The following GREB1L variants were observed in gnomAD, a reference collection of about 807,000 sequenced individuals.
GREB1L encodes the protein GREB1-like protein.
GREB1L carries 17 observed loss-of-function variants against 200.8 expected under a neutral mutation model. The observed-to-expected ratio is 0.08, with a 90% CI of 0.06 to 0.13. The LOEUF is 0.13. Ranked by LOEUF, GREB1L falls within the 10% of genes least tolerant of loss-of-function variation. The probability of loss-of-function intolerance (pLI) is 1.00; values close to 1 mark genes in which losing one functional copy is unlikely to be tolerated. For synonymous variants in GREB1L, 789 were observed against 893.0 expected (o/e 0.88, Z 2.08); for missense variants, 1,657 against 2,367.7 (o/e 0.70, Z 6.23).
In GREB1L at chr18:21,439,565, T is replaced by A; in HGVS notation, c.877T>A (p.Ser293Thr). Residue 293 changes from serine (S) to threonine (T), a missense_variant, in exon 8 of 33, where the codon TCC becomes ACC. Transcript: ENST00000424526. ...NSSHGGKGSA[S>T]SSTPAHTGNY... ...TAGCCATGGAGGGAAGGGCAGTGCATCCAGCTCCACTCCAGCCCACACAGG... is the reference window on the plus strand; with the variant it reads ...TAGCCATGGAGGGAAGGGCAGTGCAACCAGCTCCACTCCAGCCCACACAGG... The A allele has an allele frequency of 6.4e-7, 1 of 1,551,388 alleles. No homozygotes were observed.
chr18:21,431,169 C>A (rs1018126129), intron 7 of GREB1L, among the ~76,000 whole-genome samples: 18 of 151,820 alleles, frequency 1.2e-4, no homozygotes, highest in African/African-American at 4.1e-4. Context: ...TTACAGGCGC[C>A]CACCACCACA....
Position 21,477,355 on chromosome 18 carries a change from G to A in GREB1L, c.2555G>A (p.Gly852Glu). ...NEVHWIQLDT[G>E]EDVGCEEKLY... ...GTTCACTGGATACAGCTGGATACTG[G>A]GGTGAGTCTCTTGCCTGCTGTCTGA... Residue 852 changes from glycine to glutamate, a missense_variant and splice_region_variant, in exon 17 of 33, where the codon GGG (glycine) becomes GAG (glutamate). Coordinates refer to ENST00000424526, the MANE Select transcript of GREB1L (RefSeq NM_001142966.3). 6.5e-7 allele frequency: 1 copy of A among 1,541,422 alleles called. No individual in the cohort carries two copies. The highest frequency in any genetic ancestry group is 8.8e-7 in the Non-Finnish European group (1 of 1,139,842).
At chr18:21,318,450 G>A (rs1303591154) in intron 1 of GREB1L, among the ~76,000 whole-genome samples, 1 of 151,974 alleles carries the variant, frequency 6.6e-6, no homozygotes, top group Admixed American at 6.6e-5. Context: ...TTTTCATTAT[G>A]TGCCTCTTAA....
chr18:21,424,618 A>T (rs1211348016), intron 7 of GREB1L, among the ~76,000 whole-genome samples: 1 of 152,164 alleles, frequency 6.6e-6, no homozygotes, highest in East Asian at 1.9e-4. Flanking sequence ...AAATAAACTG[A>T]CAACTTTATT....
At chr18:21,434,466 A>G (rs1446590924) in intron 7 of GREB1L, among the ~76,000 whole-genome samples, 1 of 151,020 alleles carries the variant, frequency 6.6e-6, no homozygotes, top group African/African-American at 2.5e-5. Flanking sequence ...GCAGAGTGAG[A>G]ATCCATCTAA....
chr18:21,473,278 T>C (rs2035553515), intron 16 of GREB1L, 67 bp downstream of exon 16: 8 of 1,245,514 alleles, frequency 6.4e-6, no homozygotes, highest in South Asian at 1.9e-5. Context: ...TAATGAAATA[T>C]GTTAAAGATG....
At chr18:21,467,203 T>C (rs1365946091) in intron 15 of GREB1L, among the ~76,000 whole-genome samples, 1 of 152,220 alleles carries the variant, frequency 6.6e-6, no homozygotes, top group Non-Finnish European at 1.5e-5. Flanking sequence ...AATTATTTCT[T>C]GTATATGACA....
chr18:21,327,174 G>T (rs1417187328), intron 1 of GREB1L, among the ~76,000 whole-genome samples: 1 of 152,056 alleles, frequency 6.6e-6, no homozygotes, highest in Non-Finnish European at 1.5e-5. Context: ...TCCCTCCTGG[G>T]GAGTCCAGGT....
intron 2 of GREB1L, among the ~76,000 whole-genome samples, chr18:21,379,370 C>T (rs1280162050): frequency 3.9e-5 from 6 of 152,088 alleles, no homozygotes; most frequent in Admixed American, 3.9e-4. Flanking sequence ...CCATGCCCAG[C>T]TAAGTTTGTA....
chr18:21,505,728 T>C (rs965318194), intron 24 of GREB1L, 82 bp from the exon 25 acceptor site: 14 of 1,440,984 alleles, frequency 9.7e-6, no homozygotes, highest in Non-Finnish European at 1.3e-5. Flanking sequence ...AAAAGTCATT[T>C]TGGGGAAAGA....
At chr18:21,496,780 C>T in intron 21 of GREB1L, 82 bp downstream of exon 21, 3 of 1,464,636 alleles carry the variant, frequency 2.0e-6, no homozygotes, top group Non-Finnish European at 1.8e-6. Flanking sequence ...GAGGCATTTA[C>T]TGACACCCCA....
chr18:21,297,876 C>G (rs766585928), intron 1 of GREB1L, among the ~76,000 whole-genome samples: 4 of 151,876 alleles, frequency 2.6e-5, no homozygotes, highest in African/African-American at 9.7e-5. Flanking sequence ...TCAGCACTCA[C>G]TCTGCATGAC....
At chr18:21,249,951 G>A (rs2037674713) in intron 1 of GREB1L, among the ~76,000 whole-genome samples, 1 of 152,132 alleles carries the variant, frequency 6.6e-6, no homozygotes, top group South Asian at 2.1e-4. Flanking sequence ...TGTTTTTTAG[G>A]TAGTGAGAAG....
chr18:21,420,241 G>A (rs1374225874), intron 7 of GREB1L, among the ~76,000 whole-genome samples: 2 of 151,810 alleles, frequency 1.3e-5, no homozygotes, highest in South Asian at 2.1e-4. Context: ...GCATGGTGGC[G>A]GGTGCCTGTA....
chr18:21,426,968 AAAAACAAAAAAAAAAAAAAC>A (rs1361443890), intron 7 of GREB1L, among the ~76,000 whole-genome samples: 1 of 102,368 alleles, frequency 9.8e-6, no homozygotes, highest in African/African-American at 1.0e-4. Flanking sequence ...CAAAAAAAAA[AAAAACAAAAAAAAAAAAAAC>A]AAAAAAAAAA....
At position 21,418,218 on chromosome 18, in the gene GREB1L, A is replaced by G. The variant is rs192488470; in HGVS notation, c.832+14224A>G. Reference sequence around the variant, plus strand: ...CTTATACATGAAATTTTGCAACATCACCTGAGGTTTTACAGTGGCAAGTGA... The same window carrying G: ...CTTATACATGAAATTTTGCAACATCGCCTGAGGTTTTACAGTGGCAAGTGA... On this transcript the variant is annotated intron_variant, in intron 7 of 32. Transcript: ENST00000424526. Among the ~76,000 whole-genome samples, 103 of 152,174 alleles carry G rather than the reference A, an allele frequency of 6.8e-4. 1 individual carries two copies. The highest frequency in any genetic ancestry group is 5.2e-3 in the South Asian group (25 of 4,824).
At chr18:21,465,678 G>A (rs2035236423) in intron 15 of GREB1L, among the ~76,000 whole-genome samples, 1 of 152,112 alleles carries the variant, frequency 6.6e-6, no homozygotes, top group Non-Finnish European at 1.5e-5. Flanking sequence ...CATTGATAAT[G>A]TATCTTTCAG....
chr18:21,454,653 G>T (rs1245756828), intron 15 of GREB1L, 90 bp downstream of exon 15: 2 of 1,005,690 alleles, frequency 2.0e-6, no homozygotes, highest in Non-Finnish European at 1.5e-6. Context: ...ACGTCTAGAG[G>T]ATGCTTAAAA....
At chr18:21,257,491 A>G (rs2037819673) in intron 1 of GREB1L, among the ~76,000 whole-genome samples, 1 of 152,204 alleles carries the variant, frequency 6.6e-6, no homozygotes, top group African/African-American at 2.4e-5. Context: ...TGCATAATCT[A>G]CTGAAGATCT....
Sources: allele counts gnomAD v4.1 joint callset (sites outside exome capture counted in the v4.1 genomes callset), GRCh38; gene constraint gnomAD v4.1.1; transcripts MANE v1.5; gene names NCBI Gene and HGNC (gene_info 2026-07-23, HGNC 2026-07-21).